Variants in PRKAG2 observed in about 807,000 individuals in gnomAD.
PRKAG2 encodes the protein protein kinase AMP-activated non-catalytic subunit gamma 2, also known as 5'-AMP-activated protein kinase subunit gamma-2.
PRKAG2 carries 26 observed loss-of-function variants against 69.6 expected under a neutral mutation model. The ratio of observed to expected loss-of-function variants is 0.37; its 90% CI spans 0.27 to 0.52. The LOEUF is 0.52. Ranked by LOEUF, PRKAG2 falls within the 20% of genes least tolerant of loss-of-function variation. The probability of loss-of-function intolerance (pLI) is 0.90; values close to 1 mark genes in which losing one functional copy is unlikely to be tolerated. For missense variants in PRKAG2, 557 were observed against 740.0 expected (o/e 0.75, Z 2.87); for synonymous variants, 293 against 285.0 (o/e 1.03, Z -0.28).
At chr7:151,768,125 A>T (rs1246275907) in intron 3 of PRKAG2, among the ~76,000 whole-genome samples, 1 of 152,206 alleles carries the variant, frequency 6.6e-6, no homozygotes, top group African/African-American at 2.4e-5. Flanking sequence ...CTCCTCCAGG[A>T]GGGTTCTAGA....
In PRKAG2 at chr7:151,556,346, T is replaced by C. The variant is rs1803788623; in HGVS notation, c.*855A>G. Reference sequence around the variant, plus strand: ...GCAGTCATAACAAACATCATGATTTTACATTTCAATACACAAGAAAAAAAA... The same window carrying C: ...GCAGTCATAACAAACATCATGATTTCACATTTCAATACACAAGAAAAAAAA... On this transcript the variant is annotated 3_prime_UTR_variant, in exon 16 of 16. Coordinates refer to ENST00000287878, the MANE Select transcript of PRKAG2 (RefSeq NM_016203.4). 1 of 152,640 alleles carries C rather than the reference T, an allele frequency of 6.6e-6. No individual in the cohort carries two copies. The highest frequency in any genetic ancestry group is 1.5e-5 in the Non-Finnish European group (1 of 68,058). 9.5% of individuals were successfully genotyped at this position (152,640 alleles called of 1,614,324 possible).
chr7:151,594,234 A>G (rs866760588), intron 6 of PRKAG2, among the ~76,000 whole-genome samples: 2 of 152,214 alleles, frequency 1.3e-5, no homozygotes, highest in African/African-American at 4.8e-5. Context: ...TGATCCCTTC[A>G]TGCTTCCTCC....
chr7:151,598,774 A>G (rs998491691), intron 5 of PRKAG2, among the ~76,000 whole-genome samples: 7 of 152,252 alleles, frequency 4.6e-5, no homozygotes, highest in Admixed American at 2.0e-4. Context: ...TGAAAATGGT[A>G]ACAATGTGGA....
chr7:151,565,688 T>C, intron 12 of PRKAG2, 32 bp downstream of exon 12: 1 of 1,598,764 alleles, frequency 6.3e-7, no homozygotes, highest in Non-Finnish European at 8.6e-7. Context: ...GATAAACAAT[T>C]ATTTCTGCCT....
At chr7:151,782,783 G>A (rs1563664939) in intron 2 of PRKAG2, among the ~76,000 whole-genome samples, 1 of 152,190 alleles carries the variant, frequency 6.6e-6, no homozygotes, top group Non-Finnish European at 1.5e-5. Context: ...AGATGAAGCC[G>A]CGTGAGGCCA....
At position 151,781,007 on chromosome 7, in the gene PRKAG2, G is replaced by A. The variant is rs959150727; in HGVS notation, c.466+145C>T. 6 of 1,059,020 alleles carry A rather than the reference G, an allele frequency of 5.7e-6. No homozygotes were observed. Among genetic ancestry groups the A allele is most frequent in the Admixed American group, 1.8e-5 (1 of 55,898 alleles). The allele number at this position is 1,059,020 out of a possible 1,614,324, so 65.6% of individuals were successfully genotyped here. The stretch of plus-strand genomic sequence containing the variant: ...GAGAGAGATTTGTTTAGGGGGAAGT[G>A]GGGGTGGGGAGAAACAGATACAGGC... On this transcript the variant is annotated intron_variant, in intron 3 of 15. Coordinates refer to ENST00000287878, the MANE Select transcript of PRKAG2 (RefSeq NM_016203.4). The surrounding 1 kb of genome is among the most constrained non-coding windows in gnomAD (Gnocchi z 6.1).
chr7:151,737,324 A>C (rs1317762424), intron 3 of PRKAG2, among the ~76,000 whole-genome samples: 1 of 146,898 alleles, frequency 6.8e-6, no homozygotes, highest in Non-Finnish European at 1.5e-5. Flanking sequence ...AGGGCAACAC[A>C]GTGAGACCCC....
intron 3 of PRKAG2, among the ~76,000 whole-genome samples, chr7:151,773,085 G>A: frequency 1.2e-5 from 1 of 80,366 alleles, no homozygotes; most frequent in Non-Finnish European, 2.6e-5. Flanking sequence ...GAGGGAGGGA[G>A]GGAGGGAGGG....
intron 1 of PRKAG2, among the ~76,000 whole-genome samples, chr7:151,866,391 A>G (rs1460659383): frequency 6.6e-6 from 1 of 152,244 alleles, no homozygotes; most frequent in African/African-American, 2.4e-5. Flanking sequence ...TACATTAAGG[A>G]TAATAAGACT....
intron 3 of PRKAG2, among the ~76,000 whole-genome samples, chr7:151,690,899 C>T (rs946707082): frequency 1.1e-4 from 16 of 152,228 alleles, no homozygotes; most frequent in African/African-American, 3.9e-4. Context: ...GTGAGTCTCG[C>T]TTATCGCTAT....
intron 1 of PRKAG2, chr7:151,809,317 C>T (rs2078295084): frequency 4.4e-6 from 2 of 454,592 alleles, no homozygotes; most frequent in Admixed American, 2.4e-5. Context: ...GAATCAGCAG[C>T]GGGGATCATC....
intron 5 of PRKAG2, among the ~76,000 whole-genome samples, chr7:151,617,794 C>T (rs1055221092): frequency 6.6e-6 from 1 of 152,132 alleles, no homozygotes. Context: ...CCGAAAAAAA[C>T]CCTGACTCCT....
intron 3 of PRKAG2, among the ~76,000 whole-genome samples, chr7:151,725,029 G>A (rs886462399): frequency 6.6e-5 from 10 of 152,170 alleles, no homozygotes; most frequent in South Asian, 2.1e-4. Flanking sequence ...CGCGCCTGAC[G>A]TGAGTACTCC....
At chr7:151,672,244 G>C (rs965962574) in intron 4 of PRKAG2, among the ~76,000 whole-genome samples, 1 of 152,092 alleles carries the variant, frequency 6.6e-6, no homozygotes, top group African/African-American at 2.4e-5. Flanking sequence ...TGGGATTACA[G>C]GTGTCTGCCA....
Position 151,824,438 on chromosome 7 carries a change from G to A in PRKAG2, c.115-37897C>T, listed in dbSNP as rs144074496. Among the ~76,000 whole-genome samples, 322 of 152,266 alleles carry A rather than the reference G, an allele frequency of 2.1e-3. 1 individual carries two copies. The highest frequency in any genetic ancestry group is 6.9e-3 in the African/African-American group (288 of 41,548). On this transcript the variant is annotated intron_variant, in intron 1 of 15. Transcript: ENST00000287878. ...AGATAGTTGCCGGAACTCCTAAGCC[G>A]CGGTGAATGGTATCGACTGATACTT... is the stretch of plus-strand genomic sequence containing the variant.
chr7:151,558,987 T>G, intron 15 of PRKAG2: 1 of 985,436 alleles, frequency 1.0e-6, no homozygotes, highest in Non-Finnish European at 1.2e-6. Context: ...CCTGACCCGC[T>G]GGGCAGACTG....
chr7:151,676,630 C>A (rs1832987432), intron 3 of PRKAG2, among the ~76,000 whole-genome samples: 1 of 152,180 alleles, frequency 6.6e-6, no homozygotes. Context: ...ACACCTAATT[C>A]ATTACCATGG....
chr7:151,828,310 C>G lies in PRKAG2; in HGVS notation c.115-41769G>C, dbSNP rs1346735435. Reference sequence around the variant, plus strand: ...TAATGGATATCAAATCCTAGCCCAACAAGGGGTGACGGCAGGACTCTCCCC... The same window carrying G: ...TAATGGATATCAAATCCTAGCCCAAGAAGGGGTGACGGCAGGACTCTCCCC... On this transcript the variant is annotated intron_variant, in intron 1 of 15. Coordinates refer to ENST00000287878, the MANE Select transcript of PRKAG2 (RefSeq NM_016203.4). This position sits in a 1 kb window ranked among gnomAD's most constrained non-coding sequence, Gnocchi z 4.6. Among the ~76,000 whole-genome samples, 1 of 152,196 alleles carries G rather than the reference C, an allele frequency of 6.6e-6. No individual in the cohort carries two copies. Among genetic ancestry groups the G allele is most frequent in the Non-Finnish European group, 1.5e-5 (1 of 68,044 alleles).
chr7:151,775,437 C>G (rs1043819441), intron 3 of PRKAG2, among the ~76,000 whole-genome samples: 1 of 152,220 alleles, frequency 6.6e-6, no homozygotes, highest in Non-Finnish European at 1.5e-5. Flanking sequence ...GGTTCCTTCC[C>G]TTCCTGAGTC....
Sources: gnomAD v4.1 joint callset for allele counts (sites outside exome capture counted in the v4.1 genomes callset) on GRCh38, gnomAD v4.1.1 for gene constraint, Gnocchi (gnomAD v3.1) non-coding constraint, MANE v1.5 for transcripts, NCBI Gene and HGNC (gene_info 2026-07-23, HGNC 2026-07-21) for gene names.